The following IL1RAPL2 variants were observed in gnomAD, a reference collection of about 807,000 sequenced individuals.
IL1RAPL2 encodes the protein X-linked interleukin-1 receptor accessory protein-like 2.
Under a neutral mutation model 44.1 loss-of-function variants are expected in IL1RAPL2, and 3 were observed. The ratio of observed to expected loss-of-function variants is 0.07; its 90% CI spans 0.03 to 0.18. The LOEUF (loss-of-function observed/expected upper bound fraction) is 0.18, where lower values mean the gene tolerates loss of function less well. IL1RAPL2 is among the 10% of genes least tolerant of loss of function. The probability of loss-of-function intolerance (pLI) is 1.00; values close to 1 mark genes in which losing one functional copy is unlikely to be tolerated. For missense variants in IL1RAPL2, 391 were observed against 496.4 expected (o/e 0.79, Z 2.02); for synonymous variants, 181 against 178.8 (o/e 1.01, Z -0.10).
chrX:104,630,744 A>C (rs1371918891), intron 1 of IL1RAPL2, among the ~76,000 whole-genome samples: 1 of 111,493 alleles, frequency 9.0e-6, no homozygotes. Context: ...TGCTTTGGGT[A>C]CTGTGGTCAT....
chrX:105,166,909 A>G (rs2033375873), intron 2 of IL1RAPL2, among the ~76,000 whole-genome samples: 1 of 112,366 alleles, frequency 8.9e-6, no homozygotes, highest in Non-Finnish European at 1.9e-5. Context: ...AAAGCCATCA[A>G]TTTGATTGGC....
intron 5 of IL1RAPL2, among the ~76,000 whole-genome samples, chrX:105,364,876 T>C (rs1287609981): frequency 2.7e-5 from 3 of 111,916 alleles, no homozygotes; most frequent in African/African-American, 9.7e-5. Flanking sequence ...TCCTTACCTA[T>C]ATGGATGCAT....
intron 2 of IL1RAPL2, among the ~76,000 whole-genome samples, chrX:104,713,760 C>T (rs1226146260): frequency 1.8e-5 from 2 of 110,594 alleles, no homozygotes; most frequent in African/African-American, 3.3e-5. Flanking sequence ...CCAGGGAACC[C>T]GTTTCCATAT....
At chrX:105,333,542 C>T (rs2035003921) in intron 5 of IL1RAPL2, among the ~76,000 whole-genome samples, 1 of 111,348 alleles carries the variant, frequency 9.0e-6, no homozygotes, top group Non-Finnish European at 1.9e-5. Flanking sequence ...AAAGTTTCTG[C>T]ATGGCAAAGG....
chrX:104,647,701 A>G lies in IL1RAPL2; in HGVS notation c.-19-11194A>G, dbSNP rs775395915. 6.2e-5 allele frequency: 34 copies of G among 547,087 alleles called. No homozygotes were observed. The African/African-American group carries it at 6.3e-4, about 10-fold the overall frequency. 45.1% of individuals were successfully genotyped at this position (547,087 alleles called of 1,213,427 possible). On this transcript the variant is annotated intron_variant, in intron 1 of 10. Transcript: ENST00000372582. ...TGGTGAAGATGCAAGGAAGCTGGCTAGCGACAGGCCAGGAGAGGATGTGCA... is the reference window on the plus strand; with the variant it reads ...TGGTGAAGATGCAAGGAAGCTGGCTGGCGACAGGCCAGGAGAGGATGTGCA...
At chrX:104,979,366 T>C (rs763377019) in intron 2 of IL1RAPL2, among the ~76,000 whole-genome samples, 1 of 110,145 alleles carries the variant, frequency 9.1e-6, no homozygotes, top group Non-Finnish European at 1.9e-5. Context: ...CATGGGGAGG[T>C]AGGGGGATGG....
intron 6 of IL1RAPL2, among the ~76,000 whole-genome samples, chrX:105,575,998 T>C (rs1197647918): frequency 8.9e-6 from 1 of 111,812 alleles, no homozygotes; most frequent in Non-Finnish European, 1.9e-5. Flanking sequence ...TTCATGTCAT[T>C]TGCCCACTTT....
intron 2 of IL1RAPL2, among the ~76,000 whole-genome samples, chrX:104,813,233 G>C (rs1278529321): frequency 9.0e-6 from 1 of 111,391 alleles, no homozygotes; most frequent in Non-Finnish European, 1.9e-5. Context: ...GTGGTGGGAT[G>C]GGGAGAAGGG....
chrX:105,735,882 T>G (rs1473559353), intron 7 of IL1RAPL2, among the ~76,000 whole-genome samples: 1 of 111,602 alleles, frequency 9.0e-6, no homozygotes, highest in Non-Finnish European at 1.9e-5. Context: ...TAGAAAAAAC[T>G]ATTTAAAAAT....
chrX:105,350,580 G>A (rs760277418), intron 5 of IL1RAPL2, among the ~76,000 whole-genome samples: 38 of 111,008 alleles, frequency 3.4e-4, no homozygotes, highest in East Asian at 1.1e-3. Context: ...AAAATTAGCC[G>A]GGCATGGTGG....
chrX:104,912,421 C>G (rs1004398813), intron 2 of IL1RAPL2, among the ~76,000 whole-genome samples: 2 of 110,459 alleles, frequency 1.8e-5, no homozygotes, highest in Admixed American at 9.8e-5. Flanking sequence ...CCCCATAATT[C>G]TAGTTTCAAA....
At chrX:105,477,777 T>G (rs2036207680) in intron 5 of IL1RAPL2, among the ~76,000 whole-genome samples, 1 of 111,674 alleles carries the variant, frequency 9.0e-6, no homozygotes. Context: ...CTTGTACATC[T>G]GCGCACTTTC....
chrX:105,016,488 A>G (rs1337432775), intron 2 of IL1RAPL2, among the ~76,000 whole-genome samples: 1 of 111,482 alleles, frequency 9.0e-6, no homozygotes, highest in African/African-American at 3.3e-5. Context: ...GATACATTCC[A>G]TGAATACCTA....
At chrX:105,283,993 T>C (rs1034397654) in intron 5 of IL1RAPL2, among the ~76,000 whole-genome samples, 2 of 111,835 alleles carry the variant, frequency 1.8e-5, no homozygotes, top group Admixed American at 1.9e-4. Flanking sequence ...TGTACCTATA[T>C]TTTTTCTGCT....
chrX:105,280,809 G>A (rs1220292314), intron 5 of IL1RAPL2, among the ~76,000 whole-genome samples: 1 of 111,270 alleles, frequency 9.0e-6, no homozygotes, highest in Non-Finnish European at 1.9e-5. Flanking sequence ...AAATAGGAAT[G>A]CTTTTACACT....
At chrX:104,890,484 G>C (rs1404074911) in intron 2 of IL1RAPL2, among the ~76,000 whole-genome samples, 2 of 111,852 alleles carry the variant, frequency 1.8e-5, no homozygotes, top group Non-Finnish European at 3.8e-5. Context: ...TTTAATAGTT[G>C]CCATTCTAAC....
chrX:105,503,042 T>G (rs758363368), intron 6 of IL1RAPL2, among the ~76,000 whole-genome samples: 1 of 111,149 alleles, frequency 9.0e-6, no homozygotes, highest in African/African-American at 3.3e-5. Flanking sequence ...GGTTAAGAAC[T>G]GCACATTTTT....
chrX:104,858,102 A>G (rs1485412390), intron 2 of IL1RAPL2, among the ~76,000 whole-genome samples: 1 of 111,110 alleles, frequency 9.0e-6, no homozygotes, highest in African/African-American at 3.3e-5. Flanking sequence ...AATAATGATA[A>G]CAAGGCCATG....
intron 2 of IL1RAPL2, among the ~76,000 whole-genome samples, chrX:104,893,599 A>G (rs1452045148): frequency 1.8e-5 from 2 of 111,463 alleles, no homozygotes; most frequent in South Asian, 3.8e-4. Flanking sequence ...ATCAGAGACT[A>G]GGATTGCAAC....
Sources: allele counts gnomAD v4.1 joint callset (sites outside exome capture counted in the v4.1 genomes callset), GRCh38; gene constraint gnomAD v4.1.1; transcripts MANE v1.5; gene names NCBI Gene and HGNC (gene_info 2026-07-23, HGNC 2026-07-21).